SNTG2: variants seen among roughly 807,000 people sequenced by gnomAD.
The protein encoded by SNTG2 is gamma-2-syntrophin.
Under a neutral mutation model 70.9 loss-of-function variants are expected in SNTG2, and 74 were observed. That is an observed-to-expected ratio of 1.04 (90% CI 0.86 to 1.27). The LOEUF (loss-of-function observed/expected upper bound fraction) is 1.27, where lower values mean the gene tolerates loss of function less well. Ranked by LOEUF, SNTG2 falls within the 50% of genes most tolerant of loss-of-function variation. The pLI is 0.00. For missense variants in SNTG2, 717 were observed against 690.7 expected, an observed-to-expected ratio of 1.04 and a Z score of -0.43; for synonymous variants, 278 against 273.8, an observed-to-expected ratio of 1.02 and a Z score of -0.15.
intron 1 of SNTG2, among the ~76,000 whole-genome samples, chr2:963,813 C>G (rs1407320240): frequency 6.6e-6 from 1 of 152,204 alleles, no homozygotes; most frequent in South Asian, 2.1e-4. Flanking sequence ...CCACTCGGTA[C>G]TAAGTATAAA....
At chr2:1,165,681 T>C (rs1255568843) in intron 7 of SNTG2, 46 bp downstream of exon 7, 1 of 1,479,622 alleles carries the variant, frequency 6.8e-7, no homozygotes, top group African/African-American at 1.4e-5. Flanking sequence ...GAAATTCCTT[T>C]CTTGCCACAT....
At position 1,367,391 on chromosome 2, in the gene SNTG2, T is replaced by C. The variant is rs534795814; in HGVS notation, c.1537T>C (p.Phe513Leu). 5.2e-6 allele frequency: 8 copies of C among 1,551,730 alleles called. No individual in the cohort carries two copies. The African/African-American group carries it at 1.1e-4, about 21-fold the overall frequency. ...GGCTGTCCTGCACTGCATCCACTCCTTCATAGCAGCCAAGGTGGCCTCCGT... is the reference window on the plus strand; with the variant it reads ...GGCTGTCCTGCACTGCATCCACTCCCTCATAGCAGCCAAGGTGGCCTCCGT... Reference protein sequence around the residue: ...LRAVLHCIHSFIAAKVASVDP... With the variant: ...LRAVLHCIHSLIAAKVASVDP... The change falls in exon 17 of 17, where the codon TTC becomes CTC. Residue 513 changes from phenylalanine (F) to leucine (L), a missense_variant. Physicochemically the swap from Phe to Leu is conservative, Grantham distance 22 (BLOSUM62 0). Transcript: ENST00000308624.
intron 12 of SNTG2, among the ~76,000 whole-genome samples, chr2:1,249,559 G>A (rs1677638550): frequency 6.6e-6 from 1 of 152,140 alleles, no homozygotes; most frequent in South Asian, 2.1e-4. Flanking sequence ...TAAGTATGTG[G>A]CCTGTCATTG....
At chr2:1,289,969 T>C (rs1174315112) in intron 14 of SNTG2, among the ~76,000 whole-genome samples, 3 of 152,184 alleles carry the variant, frequency 2.0e-5, no homozygotes, top group Non-Finnish European at 4.4e-5. Context: ...AGAATTTCCT[T>C]CCTTTCTAAA....
At chr2:1,144,746 G>A (rs1035519454) in intron 6 of SNTG2, among the ~76,000 whole-genome samples, 8 of 152,140 alleles carry the variant, frequency 5.3e-5, no homozygotes, top group Admixed American at 1.3e-4. Flanking sequence ...ACAGTATGGA[G>A]GAAACTGCCA....
chr2:1,320,722 C>T (rs1681483556), intron 16 of SNTG2, among the ~76,000 whole-genome samples: 1 of 151,782 alleles, frequency 6.6e-6, no homozygotes, highest in Admixed American at 6.6e-5. Flanking sequence ...GGAGAGGAAG[C>T]AAATGTTATT....
At chr2:1,079,675 G>A (rs1316375344) in intron 1 of SNTG2, among the ~76,000 whole-genome samples, 1 of 152,080 alleles carries the variant, frequency 6.6e-6, no homozygotes, top group Non-Finnish European at 1.5e-5. Flanking sequence ...CATGGAAACT[G>A]TTCTCTGTGG....
At chr2:1,174,066 T>C (rs1387024050) in intron 8 of SNTG2, among the ~76,000 whole-genome samples, 2 of 152,348 alleles carry the variant, frequency 1.3e-5, no homozygotes, top group African/African-American at 4.8e-5. Flanking sequence ...AACCATTTAA[T>C]TGAGCTCCTG....
intron 1 of SNTG2, among the ~76,000 whole-genome samples, chr2:959,417 C>G (rs772367640): frequency 1.3e-5 from 2 of 152,090 alleles, no homozygotes; most frequent in Admixed American, 6.5e-5. Context: ...CCTACAGATT[C>G]TTTTGGTTTT....
chr2:1,330,477 G>A (rs1659467987), intron 16 of SNTG2, among the ~76,000 whole-genome samples: 1 of 152,130 alleles, frequency 6.6e-6, no homozygotes, highest in Admixed American at 6.5e-5. Context: ...AAAGCCTGGT[G>A]TTCCTTTTGT....
At chr2:1,155,210 C>T (rs1669807298) in intron 6 of SNTG2, among the ~76,000 whole-genome samples, 1 of 149,996 alleles carries the variant, frequency 6.7e-6, no homozygotes, top group Admixed American at 6.6e-5. Context: ...CACACCCACA[C>T]CACACACATA....
intron 4 of SNTG2, among the ~76,000 whole-genome samples, chr2:1,134,127 A>C (rs1055380545): frequency 6.6e-6 from 1 of 152,068 alleles, no homozygotes. Context: ...TGGCTTCAGG[A>C]GTGAAGCTGG....
chr2:1,126,028 A>G (rs1255017202), intron 4 of SNTG2, among the ~76,000 whole-genome samples: 1 of 152,208 alleles, frequency 6.6e-6, no homozygotes, highest in Non-Finnish European at 1.5e-5. Flanking sequence ...TAGCCATTTG[A>G]AAATAAACAA....
chr2:982,687 T>C (rs1282269915), intron 1 of SNTG2, among the ~76,000 whole-genome samples: 1 of 152,250 alleles, frequency 6.6e-6, no homozygotes, highest in Non-Finnish European at 1.5e-5. Context: ...AGGACTCCCG[T>C]GGGCAGGGCC....
intron 1 of SNTG2, among the ~76,000 whole-genome samples, chr2:994,189 C>T (rs951129442): frequency 1.3e-5 from 2 of 151,956 alleles, no homozygotes; most frequent in Non-Finnish European, 2.9e-5. Context: ...GTGTGAAGAA[C>T]AAATATAAAC....
Position 1,132,389 on chromosome 2 carries a change from GC to G in SNTG2, c.326-5231del, listed in dbSNP as rs565383703. Among the ~76,000 whole-genome samples the G allele has an allele frequency of 1.7e-3, 257 of 152,174 alleles. 1 individual carries two copies. The highest frequency in any genetic ancestry group is 5.9e-3 in the African/African-American group (247 of 41,524). ...GTAAAAGCAGCACTCCTTTCCAGAC[GC>G]CTGGAATTGAGTTTGCAGAAGGTAT... On this transcript the variant is annotated intron_variant, in intron 4 of 16. Transcript: ENST00000308624.
At chr2:969,380 G>T (rs1558285099) in intron 1 of SNTG2, among the ~76,000 whole-genome samples, 1 of 151,714 alleles carries the variant, frequency 6.6e-6, no homozygotes, top group Non-Finnish European at 1.5e-5. Flanking sequence ...TTTTATAATA[G>T]TTTTTTTTCT....
chr2:1,320,812 T>G (rs1681487020), intron 16 of SNTG2, among the ~76,000 whole-genome samples: 1 of 152,190 alleles, frequency 6.6e-6, no homozygotes, highest in Non-Finnish European at 1.5e-5. Flanking sequence ...AGCTTGGCGC[T>G]CACTGCACAG....
At chr2:1,286,245 C>T (rs1679761470) in intron 14 of SNTG2, among the ~76,000 whole-genome samples, 1 of 152,182 alleles carries the variant, frequency 6.6e-6, no homozygotes, top group Non-Finnish European at 1.5e-5. Context: ...AGTGGTGCCA[C>T]TTCCTCTTCC....
Sources: allele counts gnomAD v4.1 joint callset (sites outside exome capture counted in the v4.1 genomes callset), GRCh38; gene constraint gnomAD v4.1.1; transcripts MANE v1.5; gene names NCBI Gene and HGNC (gene_info 2026-07-23, HGNC 2026-07-21).